Variants in GRIN2A observed in about 807,000 individuals in gnomAD.
GRIN2A encodes glutamate receptor ionotropic, NMDA 2A.
GRIN2A carries 22 observed loss-of-function variants against 113.4 expected under a neutral mutation model. That is an observed-to-expected ratio of 0.19 (90% CI 0.14 to 0.28). The LOEUF is 0.28. GRIN2A is among the 10% of genes least tolerant of loss of function. The pLI is 1.00. For synonymous variants in GRIN2A, 827 were observed against 738.4 expected, an observed-to-expected ratio of 1.12 and a Z score of -1.94; for missense variants, 1,502 against 1,887.0, an observed-to-expected ratio of 0.80 and a Z score of 3.78.
intron 11 of GRIN2A, among the ~76,000 whole-genome samples, chr16:9,773,617 C>T (rs750569845): frequency 5.9e-5 from 9 of 152,178 alleles, no homozygotes; most frequent in East Asian, 1.9e-4. Context: ...GTCTCCCCAC[C>T]GGAGAGGACT....
chr16:9,873,135 C>A (rs1389235600), intron 4 of GRIN2A, among the ~76,000 whole-genome samples: 1 of 152,108 alleles, frequency 6.6e-6, no homozygotes, highest in East Asian at 1.9e-4. Context: ...ATAATGCATA[C>A]AGTTAGATGC....
At chr16:10,110,493 A>T (rs117093572) in intron 2 of GRIN2A, among the ~76,000 whole-genome samples, 1 of 152,392 alleles carries the variant, frequency 6.6e-6, no homozygotes, top group Non-Finnish European at 1.5e-5. Context: ...GGCAAAGTGG[A>T]AGAGAGATAC....
Position 9,763,210 on chromosome 16 carries a change from A to G in GRIN2A, c.4334T>C (p.Leu1445Ser), listed in dbSNP as rs765538398. Residue 1445 changes from leucine to serine, a missense_variant, in exon 13 of 13, where the codon TTA becomes TCA. Physicochemically the swap from Leu to Ser is moderately radical, Grantham distance 145. Transcript: ENST00000330684. ...CACGCGTCTATTGCTGCAGGAATTT[A>G]AAACCCTGGGGGTAGAGTACATATT... ...KNNMYSTPRV[L>S]NSCSNRRVYK... The G allele has an allele frequency of 2.5e-6, 4 of 1,613,846 alleles. No individual in the cohort carries two copies. The Admixed American group carries it at 5.0e-5, about 20-fold the overall frequency.
chr16:9,817,626 T>C (rs189645127), intron 10 of GRIN2A, among the ~76,000 whole-genome samples: 251 of 152,356 alleles, frequency 1.6e-3, no homozygotes, highest in Non-Finnish European at 3.2e-3. Context: ...AGAAAGTGAC[T>C]TGGAGAGGTG....
chr16:10,074,021 C>T (rs2047817427), intron 2 of GRIN2A, among the ~76,000 whole-genome samples: 1 of 151,718 alleles, frequency 6.6e-6, no homozygotes, highest in African/African-American at 2.4e-5. Flanking sequence ...AGAACACTCA[C>T]AACTCAACAA....
At chr16:9,803,230 C>G (rs544795499) in intron 10 of GRIN2A, among the ~76,000 whole-genome samples, 4 of 152,140 alleles carry the variant, frequency 2.6e-5, no homozygotes, top group Admixed American at 2.6e-4. Flanking sequence ...CATGGAGAAA[C>G]CCCGTCTCTA....
rs189157786 is a variant in GRIN2A, at chr16:10,127,696, A to G, written c.414+52302T>C. On this transcript the variant is annotated intron_variant, in intron 2 of 12. Coordinates refer to ENST00000330684, the MANE Select transcript of GRIN2A (RefSeq NM_001134407.3). Reference sequence around the variant, plus strand: ...GGCACCTAGCTCACAATCAATAAATATTTGTGGAATTGATGGATGAATTCA... The same window carrying G: ...GGCACCTAGCTCACAATCAATAAATGTTTGTGGAATTGATGGATGAATTCA... Among the ~76,000 whole-genome samples the G allele has an allele frequency of 2.6e-4, 40 of 152,332 alleles. No individual in the cohort carries two copies. In the East Asian group the frequency reaches 4.6e-3, roughly 18 times the overall value.
At chr16:10,005,260 T>C (rs1487881025) in intron 2 of GRIN2A, among the ~76,000 whole-genome samples, 2 of 152,240 alleles carry the variant, frequency 1.3e-5, no homozygotes, top group African/African-American at 2.4e-5. Context: ...AAGATTTAGA[T>C]ATCAGAAGCT....
intron 2 of GRIN2A, among the ~76,000 whole-genome samples, chr16:10,149,336 A>G (rs996836650): frequency 6.6e-6 from 1 of 152,226 alleles, no homozygotes. Context: ...CCATATACCT[A>G]ACAAATATAT....
At chr16:9,974,725 G>T (rs1367590267) in intron 2 of GRIN2A, among the ~76,000 whole-genome samples, 1 of 152,152 alleles carries the variant, frequency 6.6e-6, no homozygotes, top group African/African-American at 2.4e-5. Context: ...ACCCTAAGTA[G>T]CCTGTGAAAA....
At chr16:10,144,647 C>T (rs759981407) in intron 2 of GRIN2A, among the ~76,000 whole-genome samples, 3 of 152,174 alleles carry the variant, frequency 2.0e-5, no homozygotes, top group Non-Finnish European at 2.9e-5. Context: ...TCCTTTGCTT[C>T]GCAGAAGTTT....
chr16:10,176,458 G>C (rs549325986), intron 2 of GRIN2A, among the ~76,000 whole-genome samples: 1 of 152,020 alleles, frequency 6.6e-6, no homozygotes, highest in African/African-American at 2.4e-5. Context: ...TTTCTTCAAT[G>C]GTCAAGTAGA....
intron 4 of GRIN2A, among the ~76,000 whole-genome samples, chr16:9,877,635 C>T (rs1010535580): frequency 1.0e-4 from 13 of 129,494 alleles, no homozygotes; most frequent in Non-Finnish European, 4.9e-5. Flanking sequence ...TCCCCAGTTC[C>T]GTCTTCCTCT....
At chr16:9,887,169 G>A (rs560450798) in intron 4 of GRIN2A, among the ~76,000 whole-genome samples, 3 of 152,238 alleles carry the variant, frequency 2.0e-5, no homozygotes, top group African/African-American at 7.2e-5. Context: ...TTACAGGCAT[G>A]AGCCACCAAG....
At chr16:9,858,726 T>G (rs2043010908) in intron 4 of GRIN2A, among the ~76,000 whole-genome samples, 1 of 152,298 alleles carries the variant, frequency 6.6e-6, no homozygotes, top group African/African-American at 2.4e-5. Context: ...TGATTACTTA[T>G]CAAAATGTTC....
At chr16:9,974,952 T>G (rs541026085) in intron 2 of GRIN2A, among the ~76,000 whole-genome samples, 1 of 152,204 alleles carries the variant, frequency 6.6e-6, no homozygotes, top group South Asian at 2.1e-4. Flanking sequence ...TTTTCACCAC[T>G]GAGTATGGTG....
rs1055537105 is a variant in GRIN2A at position 9,756,372 on chromosome 16, C to T, written c.*6777G>A. The T allele has an allele frequency of 2.6e-5, 6 of 230,320 alleles. No individual in the cohort carries two copies. Among genetic ancestry groups the T allele is most frequent in the Non-Finnish European group, 5.2e-5 (6 of 116,372 alleles). The allele number at this position is 230,320 out of a possible 1,614,324, so 14.3% of individuals were successfully genotyped here. A position where few individuals can be genotyped will look rare whatever the true frequency, so the allele number is the denominator to read the frequency against. On this transcript the variant is annotated 3_prime_UTR_variant, in exon 13 of 13. Transcript: ENST00000330684. ...AGGAACTATGAACAGAGGTGAGATC[C>T]CCAGAAGTTCTCCATACACACAGAT...
At chr16:9,942,103 T>C (rs2044895176) in intron 2 of GRIN2A, among the ~76,000 whole-genome samples, 1 of 152,136 alleles carries the variant, frequency 6.6e-6, no homozygotes, top group South Asian at 2.1e-4. Context: ...CATCAGGAGA[T>C]CATGCTATCT....
chr16:9,914,969 C>T (rs2044217185), intron 3 of GRIN2A, among the ~76,000 whole-genome samples: 1 of 101,806 alleles, frequency 9.8e-6, no homozygotes, highest in Admixed American at 1.5e-4. Flanking sequence ...CGGAATCTCA[C>T]TCTTTCATCC....
Sources: allele counts gnomAD v4.1 joint callset (sites outside exome capture counted in the v4.1 genomes callset), GRCh38; gene constraint gnomAD v4.1.1; transcripts MANE v1.5; gene names NCBI Gene and HGNC (gene_info 2026-07-23, HGNC 2026-07-21).